Variants in IST1 observed in about 807,000 individuals in gnomAD.
IST1 encodes the protein IST1 homolog.
IST1 carries 23 observed loss-of-function variants against 37.0 expected under a neutral mutation model. That is an observed-to-expected ratio of 0.62 (90% CI 0.45 to 0.88). The LOEUF (loss-of-function observed/expected upper bound fraction) is 0.88. Ranked by LOEUF, IST1 falls within the 40% of genes least tolerant of loss-of-function variation. The pLI, the probability that IST1 is intolerant of heterozygous loss-of-function variation, is 0.00. For synonymous variants in IST1, 180 were observed against 161.7 expected, an observed-to-expected ratio of 1.11 and a Z score of -0.86; for missense variants, 488 against 445.4, an observed-to-expected ratio of 1.10 and a Z score of -0.86.
At chr16:71,916,402 C>A in intron 2 of IST1, 60 bp from the exon 3 acceptor site, 1 of 1,543,972 alleles carries the variant, frequency 6.5e-7, no homozygotes, top group Admixed American at 1.7e-5. Flanking sequence ...GGGAGATTGG[C>A]CTGTAGGCCA....
At chr16:71,894,796 AAGTGCTGGG>A (rs1245076434), upstream of IST1, 2 of 1,516,540 alleles carry the variant, frequency 1.3e-6, no homozygotes, top group Non-Finnish European at 1.8e-6. Flanking sequence ...CCGCCTCTCA[AAGTGCTGGG>A]AAGGTCCCTT....
chr16:71,925,601 A>T (rs1051158091), intron 9 of IST1, among the ~76,000 whole-genome samples: 1 of 152,138 alleles, frequency 6.6e-6, no homozygotes, highest in Admixed American at 6.5e-5. Context: ...GGCATGAGCC[A>T]CCGTGCCCGG....
At chr16:71,898,350 C>CAAG (rs2037023338) in intron 1 of IST1, among the ~76,000 whole-genome samples, 1 of 130,106 alleles carries the variant, frequency 7.7e-6, no homozygotes, top group Non-Finnish European at 1.6e-5. Context: ...TGCCTGGTGA[C>CAAG]AGAGACACTC....
intron 1 of IST1, among the ~76,000 whole-genome samples, chr16:71,908,296 C>CTTTTTTTTTT (rs59849119): frequency 1.3e-4 from 10 of 76,830 alleles, no homozygotes; most frequent in Admixed American, 2.1e-4. Flanking sequence ...CTCGTTGTAG[C>CTTTTTTTTTT]TTTTTTTTTT....
rs893463991 is a variant in IST1 at position 71,927,558 on chromosome 16, G to A, written c.902-56G>A. 5.8e-6 allele frequency: 7 copies of A among 1,204,758 alleles called. No homozygotes were observed. In the South Asian group the frequency reaches 7.4e-5, roughly 13 times the overall value. The allele number at this position is 1,204,758 out of a possible 1,614,324, so 74.6% of individuals were successfully genotyped here. A position where few individuals can be genotyped will look rare whatever the true frequency, so the allele number is the denominator to read the frequency against. On this transcript the variant is annotated intron_variant, in intron 9 of 9. Coordinates refer to ENST00000378799, the MANE Select transcript of IST1 (RefSeq NM_001270975.2). ...TGATCATTTTATTTTTACTGCCAAA[G>A]GGGATCTGAGTCATTTCTCTGGTAT...
At chr16:71,916,298 A>G (rs79169855) in intron 2 of IST1, among the ~76,000 whole-genome samples, 164 bp from the exon 3 acceptor site, 17,127 of 152,280 alleles carry the variant, frequency 0.11, 1,182 homozygotes, top group Non-Finnish European at 0.15. Flanking sequence ...TCACCTAGAC[A>G]GAGTAGCAAA....
In IST1 at chr16:71,922,455, G is replaced by T. The variant is rs200920311; in HGVS notation, c.553-19G>T. The T allele has an allele frequency of 9.8e-5, 158 of 1,608,928 alleles. No homozygotes were observed. Among genetic ancestry groups the T allele is most frequent in the Middle Eastern group, 8.3e-4 (5 of 6,056 alleles). ...CCTTGGACATGGGTTAATGACCTGG[G>T]TTTCTCTTTTTTTCTCAGGCAGAAG... On this transcript the variant is annotated intron_variant, in intron 6 of 9. Coordinates refer to ENST00000378799, the MANE Select transcript of IST1 (RefSeq NM_001270975.2).
chr16:71,912,172 T>A (rs976305399), intron 1 of IST1, among the ~76,000 whole-genome samples: 1 of 152,128 alleles, frequency 6.6e-6, no homozygotes, highest in Non-Finnish European at 1.5e-5. Flanking sequence ...TTTTTTATAG[T>A]TTAGGTAATT....
rs1165827909 is a variant in IST1, at chr16:71,895,571, C to T, written c.-34C>T. On this transcript the variant is annotated 5_prime_UTR_variant, in exon 1 of 10. Coordinates refer to ENST00000378799, the MANE Select transcript of IST1 (RefSeq NM_001270975.2). ...CCCTGAAGTCGGTGTCTGCTGCGTT[C>T]ACGGCAGGATTCGGTTAGGTGAGTG... 1.0e-6 allele frequency: 1 copy of T among 985,450 alleles called. No individual in the cohort carries two copies. The highest frequency in any genetic ancestry group is 1.2e-6 in the Non-Finnish European group (1 of 829,878). 61.0% of individuals were successfully genotyped at this position (985,450 alleles called of 1,614,324 possible).
At chr16:71,927,513 T>A (rs1245025324) in intron 9 of IST1, 101 bp from the exon 10 acceptor site, 11 of 839,350 alleles carry the variant, frequency 1.3e-5, no homozygotes, top group Middle Eastern at 4.7e-4. Flanking sequence ...GTTTGTGAAC[T>A]AAGGTTTTCT....
intron 1 of IST1, among the ~76,000 whole-genome samples, chr16:71,906,849 C>G (rs2037234818): frequency 6.6e-6 from 1 of 151,856 alleles, no homozygotes; most frequent in Non-Finnish European, 1.5e-5. Flanking sequence ...CATCGTTTTT[C>G]CCAGACTGCT....
At chr16:71,904,876 A>G (rs2037186039) in intron 1 of IST1, among the ~76,000 whole-genome samples, 1 of 151,910 alleles carries the variant, frequency 6.6e-6, no homozygotes, top group Non-Finnish European at 1.5e-5. Context: ...TACCATTTTC[A>G]TTTAATTATG....
chr16:71,900,297 A>G lies in IST1; in HGVS notation c.-16+4708A>G, dbSNP rs940754279. Among the ~76,000 whole-genome samples, 20 of 150,510 alleles carry G rather than the reference A, an allele frequency of 1.3e-4. No individual in the cohort carries two copies. In the South Asian group the frequency reaches 4.2e-3, roughly 32 times the overall value. On this transcript the variant is annotated intron_variant, in intron 1 of 9. Transcript: ENST00000378799. ...CTCCTCACTTCGTACTTTTAGAGCTACAAACACTGAGTTTACTCCCTTAGG... is the reference window on the plus strand; with the variant it reads ...CTCCTCACTTCGTACTTTTAGAGCTGCAAACACTGAGTTTACTCCCTTAGG...
intron 6 of IST1, among the ~76,000 whole-genome samples, chr16:71,921,953 C>T (rs990238759): frequency 5.3e-5 from 8 of 152,188 alleles, no homozygotes; most frequent in South Asian, 2.1e-4. Flanking sequence ...CTGGCTAACA[C>T]GGTGAAACCC....
Position 71,928,063 on chromosome 16 carries a change from G to C in IST1, c.*250G>C, listed in dbSNP as rs567687246. 19 of 464,662 alleles carry C rather than the reference G, an allele frequency of 4.1e-5. 1 individual carries two copies. The highest frequency in any genetic ancestry group is 3.4e-4 in the South Asian group (16 of 47,488). 28.8% of individuals were successfully genotyped at this position (464,662 alleles called of 1,614,324 possible). A position where few individuals can be genotyped will look rare whatever the true frequency, so the allele number is the denominator to read the frequency against. ...AGCTGTGCTTGTCCGTTTCCTGTCA[G>C]AGTGATCCCAGGTTTCCTCCTGGCC... is the stretch of plus-strand genomic sequence containing the variant. On this transcript the variant is annotated 3_prime_UTR_variant, in exon 10 of 10. Coordinates refer to ENST00000378799, the MANE Select transcript of IST1 (RefSeq NM_001270975.2).
intron 1 of IST1, among the ~76,000 whole-genome samples, chr16:71,901,937 G>A (rs146485097): frequency 1.1e-4 from 17 of 152,252 alleles, no homozygotes; most frequent in African/African-American, 3.9e-4. Flanking sequence ...TTGTTAAACC[G>A]AGGGAAAAAG....
chr16:71,894,920 TG>T (rs905269183), upstream of IST1: 1 of 1,175,432 alleles, frequency 8.5e-7, no homozygotes, highest in African/African-American at 1.5e-5. Flanking sequence ...CCAGAGACTG[TG>T]GTGCTGAGGA....
intron 1 of IST1, among the ~76,000 whole-genome samples, chr16:71,915,026 C>T (rs1597247458): frequency 6.6e-6 from 1 of 152,144 alleles, no homozygotes; most frequent in Admixed American, 6.6e-5. Flanking sequence ...TTTCCTTGGA[C>T]TTTTCACCCC....
At chr16:71,901,834 C>T (rs1348237640) in intron 1 of IST1, among the ~76,000 whole-genome samples, 1 of 152,170 alleles carries the variant, frequency 6.6e-6, no homozygotes, top group Non-Finnish European at 1.5e-5. Context: ...TTGTACAAAA[C>T]ACTGTGCTAG....
Sources: allele counts gnomAD v4.1 joint callset (sites outside exome capture counted in the v4.1 genomes callset), GRCh38; gene constraint gnomAD v4.1.1; transcripts MANE v1.5; gene names NCBI Gene and HGNC (gene_info 2026-07-23, HGNC 2026-07-21).